The following TMEM120B variants were observed in gnomAD, a reference collection of about 807,000 sequenced individuals.
TMEM120B encodes the protein transmembrane protein 120B.
A neutral mutation model predicts 55.5 loss-of-function variants in TMEM120B; 31 were observed. The observed-to-expected ratio is 0.56, with a 90% confidence interval of 0.42 to 0.75. TMEM120B has a LOEUF of 0.75. Ranked by LOEUF, TMEM120B falls within the 30% of genes least tolerant of loss-of-function variation. The pLI, the probability that TMEM120B is intolerant of heterozygous loss-of-function variation, is 0.00. For missense variants in TMEM120B, 399 were observed against 425.5 expected, an observed-to-expected ratio of 0.94 and a Z score of 0.55; for synonymous variants, 203 against 176.3, an observed-to-expected ratio of 1.15 and a Z score of -1.20.
intron 1 of TMEM120B, among the ~76,000 whole-genome samples, chr12:121,714,511 G>T (rs1894658977): frequency 6.7e-6 from 1 of 149,944 alleles, no homozygotes; most frequent in African/African-American, 2.5e-5. Flanking sequence ...CTCCCAAAGT[G>T]CTGAGATTAC....
In TMEM120B at chr12:121,775,222, T is replaced by A. The variant is rs1874198393; in HGVS notation, c.906+92T>A. The A allele has an allele frequency of 9.8e-7, 1 of 1,022,288 alleles. No homozygotes were observed. The highest frequency in any genetic ancestry group is 1.4e-6 in the Non-Finnish European group (1 of 730,298). 63.3% of individuals were successfully genotyped at this position (1,022,288 alleles called of 1,614,324 possible). ...ATGTGTGGCATGCTGGGGTGCGGAT[T>A]CCTGGGGAGGGCTGGGATGGCAGAT... is the stretch of plus-strand genomic sequence containing the variant. On this transcript the variant is annotated intron_variant, in intron 11 of 11. Coordinates refer to ENST00000449592, the MANE Select transcript of TMEM120B (RefSeq NM_001080825.2). This position sits in a 1 kb window ranked among gnomAD's most constrained non-coding sequence, Gnocchi z 4.3.
Position 121,727,873 on chromosome 12 carries a change from C to CA in TMEM120B, c.69+14928dup, listed in dbSNP as rs10710244. ...TGGGCGACAGAGCGACACTCCATCT[C>CA]AAAAAAAAAAAAAAAAAAAGAGATT... is the stretch of plus-strand genomic sequence containing the variant. On this transcript the variant is annotated intron_variant, in intron 1 of 11. Coordinates refer to ENST00000449592, the MANE Select transcript of TMEM120B (RefSeq NM_001080825.2). Among the ~76,000 whole-genome samples, 198 of 80,422 alleles carry CA rather than the reference C, an allele frequency of 2.5e-3. 11 individuals are homozygous for CA. Among genetic ancestry groups the CA allele is most frequent in the East Asian group, 4.8e-3 (12 of 2,484 alleles). 52.8% of individuals were successfully genotyped at this position (80,422 alleles called of 152,430 possible). A position where few individuals can be genotyped will look rare whatever the true frequency, so the allele number is the denominator to read the frequency against.
chr12:121,713,172 C>T (rs1894632826), intron 1 of TMEM120B, among the ~76,000 whole-genome samples: 1 of 152,164 alleles, frequency 6.6e-6, no homozygotes, highest in Non-Finnish European at 1.5e-5. Context: ...GGGTCGCAGC[C>T]CCCTCTTCCG....
intron 1 of TMEM120B, among the ~76,000 whole-genome samples, chr12:121,728,046 C>T (rs950582824): frequency 8.6e-5 from 13 of 151,728 alleles, no homozygotes; most frequent in East Asian, 2.0e-4. Flanking sequence ...CTCACTCTGT[C>T]GCCCAGGCTA....
chr12:121,779,668 T>C lies in TMEM120B; in HGVS notation c.*3946T>C. The C allele has an allele frequency of 2.5e-6, 4 of 1,613,260 alleles. No homozygotes were observed. Among genetic ancestry groups the C allele is most frequent in the Non-Finnish European group, 3.4e-6 (4 of 1,179,696 alleles). On this transcript the variant is annotated 3_prime_UTR_variant, in exon 12 of 12. Coordinates refer to ENST00000449592, the MANE Select transcript of TMEM120B (RefSeq NM_001080825.2). ...TGTTCGCAGGCGCTCAGGCCCTGGG[T>C]GGGGGGAGGAGCCAGCATTAGGTGA...
At chr12:121,763,039 C>G (rs574157394) in intron 6 of TMEM120B, among the ~76,000 whole-genome samples, 1 of 152,226 alleles carries the variant, frequency 6.6e-6, no homozygotes, top group African/African-American at 2.4e-5. Flanking sequence ...CTTTCCTGCC[C>G]TGCCTGCCTC....
At chr12:121,716,146 G>GT (rs1894697562) in intron 1 of TMEM120B, among the ~76,000 whole-genome samples, 1 of 150,722 alleles carries the variant, frequency 6.6e-6, no homozygotes, top group African/African-American at 2.4e-5. Flanking sequence ...TCTACAAACA[G>GT]TAAAAAAAAA....
At chr12:121,730,781 A>C (rs2137046124) in intron 1 of TMEM120B, among the ~76,000 whole-genome samples, 2 of 151,812 alleles carry the variant, frequency 1.3e-5, no homozygotes, top group Middle Eastern at 6.8e-3. Flanking sequence ...AACATGGAGA[A>C]ATGCCATCTC....
chr12:121,771,024 G>A (rs1592949338), intron 7 of TMEM120B, 52 bp downstream of exon 7: 4 of 1,592,414 alleles, frequency 2.5e-6, no homozygotes, highest in Non-Finnish European at 3.4e-6. Flanking sequence ...TAGAGCCTGG[G>A]GCCCGGGAAT....
chr12:121,737,466 C>G (rs368826871), intron 1 of TMEM120B, among the ~76,000 whole-genome samples: 2 of 151,832 alleles, frequency 1.3e-5, no homozygotes, highest in Non-Finnish European at 2.9e-5. Context: ...GATTGTGCCA[C>G]TGCACTCCAG....
At chr12:121,725,554 C>T (rs914628992) in intron 1 of TMEM120B, among the ~76,000 whole-genome samples, 8 of 152,048 alleles carry the variant, frequency 5.3e-5, no homozygotes, top group Admixed American at 6.6e-5. Context: ...GCATTATTCA[C>T]GATACAGTAA....
At chr12:121,724,555 A>G (rs1894854863) in intron 1 of TMEM120B, among the ~76,000 whole-genome samples, 1 of 151,584 alleles carries the variant, frequency 6.6e-6, no homozygotes, top group African/African-American at 2.4e-5. Flanking sequence ...CACATGCCTT[A>G]ACTGTTTCAT....
intron 1 of TMEM120B, among the ~76,000 whole-genome samples, chr12:121,717,935 C>T (rs996710769): frequency 2.6e-5 from 4 of 152,172 alleles, no homozygotes; most frequent in African/African-American, 4.8e-5. Context: ...GGATTACAAG[C>T]GTGAGCTACC....
intron 6 of TMEM120B, among the ~76,000 whole-genome samples, chr12:121,764,262 C>T (rs1873774268): frequency 1.3e-5 from 2 of 151,730 alleles, no homozygotes; most frequent in South Asian, 4.1e-4. Context: ...TGGCTCATGC[C>T]TGTAATCCCA....
chr12:121,754,205 A>T (rs1423747650), intron 5 of TMEM120B, among the ~76,000 whole-genome samples: 2 of 152,158 alleles, frequency 1.3e-5, no homozygotes, highest in East Asian at 3.9e-4. Flanking sequence ...GCCTGTTTCC[A>T]CGAGGGCAAA....
chr12:121,763,244 C>G (rs1372542882), intron 6 of TMEM120B, among the ~76,000 whole-genome samples: 3 of 149,982 alleles, frequency 2.0e-5, no homozygotes, highest in African/African-American at 4.9e-5. Flanking sequence ...CTCACTGCAA[C>G]CTCCGCCTCC....
intron 1 of TMEM120B, among the ~76,000 whole-genome samples, chr12:121,716,565 C>CTTT (rs56037685): frequency 3.7e-4 from 46 of 124,788 alleles, no homozygotes; most frequent in African/African-American, 7.0e-4. Flanking sequence ...TTTTTTCTTT[C>CTTT]TTTTTTTTTT....
rs746978537 is a variant in TMEM120B at position 121,743,673 on chromosome 12, G to A, written c.114G>A (p.Ala38=). 25 of 1,613,474 alleles carry A rather than the reference G, an allele frequency of 1.5e-5. No individual in the cohort carries two copies. Among genetic ancestry groups the A allele is most frequent in the South Asian group, 1.1e-5 (1 of 91,062 alleles). ...IYKQKLEELA[A]LQTLCSSSIS... ...AGCAGAAGCTGGAGGAGCTGGCTGC[G>A]CTGCAGACGCTGTGTAGCAGTTCCA... Residue 38 remains alanine (A), a synonymous_variant, in exon 2 of 12, where the codon GCG becomes GCA. Coordinates refer to ENST00000449592, the MANE Select transcript of TMEM120B (RefSeq NM_001080825.2).
intron 3 of TMEM120B, 92 bp downstream of exon 3, chr12:121,748,534 T>C: frequency 2.4e-6 from 2 of 842,218 alleles, no homozygotes; most frequent in Non-Finnish European, 3.8e-6. Context: ...CTGCTGGTGC[T>C]CAGATTGAAG....
Sources: allele counts gnomAD v4.1 joint callset (sites outside exome capture counted in the v4.1 genomes callset), GRCh38; gene constraint gnomAD v4.1.1; non-coding constraint Gnocchi (gnomAD v3.1); transcripts MANE v1.5; gene names NCBI Gene and HGNC (gene_info 2026-07-23, HGNC 2026-07-21).